CTSB: variants seen among roughly 807,000 people sequenced by gnomAD.
CTSB encodes the protein APP secretase.
Under a neutral mutation model 44.3 loss-of-function variants are expected in CTSB, and 57 were observed. The ratio of observed to expected loss-of-function variants is 1.29; its 90% confidence interval spans 1.04 to 1.60. The LOEUF is 1.60. Ranked by LOEUF, CTSB falls within the 40% of genes most tolerant of loss-of-function variation. The probability of loss-of-function intolerance (pLI) is 0.00; values close to 1 mark genes in which losing one functional copy is unlikely to be tolerated. For missense variants in CTSB, 768 were observed against 443.0 expected, an observed-to-expected ratio of 1.73 and a Z score of -6.59; for synonymous variants, 320 against 168.0, an observed-to-expected ratio of 1.91 and a Z score of -7.00.
chr8:11,845,816 C>A (rs192929398), intron 8 of CTSB, 27 bp from the exon 9 acceptor site: 14 of 1,593,646 alleles, frequency 8.8e-6, no homozygotes, highest in South Asian at 5.6e-5. Context: ...TGGCTGAGAC[C>A]GAGACCGGGC....
intron 1 of CTSB, chr8:11,865,480 T>C (rs1338344890): frequency 6.7e-6 from 1 of 148,904 alleles, no homozygotes; most frequent in African/African-American, 2.5e-5. Flanking sequence ...TCGCAGCTAG[T>C]TGAGAGACTG....
intron 1 of CTSB, among the ~76,000 whole-genome samples, chr8:11,864,727 G>C (rs578075764): frequency 5.3e-5 from 8 of 151,838 alleles, no homozygotes; most frequent in South Asian, 2.1e-4. Flanking sequence ...GAGGCGAGGC[G>C]GGCAGATCAT....
At position 11,848,117 on chromosome 8, in the gene CTSB, A is replaced by G. The variant is rs759011328; in HGVS notation, c.482T>C (p.Phe161Ser). The change falls in exon 6 of 10, where the codon TTC becomes TCC. Residue 161 changes from phenylalanine to serine, a missense_variant. Coordinates refer to ENST00000353047, the MANE Select transcript of CTSB (RefSeq NM_001908.5). Reference protein sequence around the residue: ...NGGYPAEAWNFWTRKGLVSGG... With the variant: ...NGGYPAEAWNSWTRKGLVSGG... ...AGAAACCAGGCCTTTTCTTGTCCAG[A>G]AGTTCCAAGCTTCAGCAGGATAGCC... is the stretch of plus-strand genomic sequence containing the variant. The G allele has an allele frequency of 1.9e-6, 3 of 1,614,086 alleles. No individual in the cohort carries two copies. Among genetic ancestry groups the G allele is most frequent in the Non-Finnish European group, 2.5e-6 (3 of 1,180,026 alleles).
intron 8 of CTSB, chr8:11,846,050 T>C: frequency 3.1e-6 from 1 of 318,854 alleles, no homozygotes; most frequent in Middle Eastern, 8.6e-4. Context: ...AAAAATAGAA[T>C]TTCTAATACA....
intron 6 of CTSB, 34 bp downstream of exon 6, chr8:11,848,033 T>C (rs1813774467): frequency 2.0e-6 from 3 of 1,525,640 alleles, no homozygotes; most frequent in Non-Finnish European, 2.7e-6. Flanking sequence ...AAACAATCCA[T>C]CTGGCCAGAA....
intron 1 of CTSB, among the ~76,000 whole-genome samples, chr8:11,864,689 ACT>A (rs1816872952): frequency 6.6e-6 from 1 of 152,086 alleles, no homozygotes; most frequent in Admixed American, 6.6e-5. Flanking sequence ...GGGCACAGTG[ACT>A]CACACCTGTA....
chr8:11,855,300 G>T (rs902505468), intron 1 of CTSB, among the ~76,000 whole-genome samples: 1 of 152,178 alleles, frequency 6.6e-6, no homozygotes, highest in South Asian at 2.1e-4. Flanking sequence ...GATGACAGGC[G>T]TGAGGCACCG....
chr8:11,853,293 G>C (rs533439351), intron 2 of CTSB, 36 bp downstream of exon 2: 1 of 1,610,346 alleles, frequency 6.2e-7, no homozygotes, highest in South Asian at 1.1e-5. Context: ...ACCGACCTGG[G>C]AGGGGACATA....
At chr8:11,867,437 A>AGT (rs936888267) in intron 1 of CTSB, 75 of 152,396 alleles carry the variant, frequency 4.9e-4, no homozygotes, top group African/African-American at 1.7e-3. Context: ...CAGCCCACCC[A>AGT]GTGCCAGATT....
At chr8:11,847,656 T>C (rs1415829305) in intron 7 of CTSB, 23 bp downstream of exon 7, 1 of 1,510,452 alleles carries the variant, frequency 6.6e-7, no homozygotes, top group Non-Finnish European at 8.8e-7. Flanking sequence ...ACGTGCGCCG[T>C]GGCCAGGCCC....
In CTSB at chr8:11,853,445, G is replaced by A; in HGVS notation, c.10C>T (p.Leu4Phe). ...AGCAGGCAGCAGAGGGAGGCCCAGAGCTGCCACATGTTGGAAGCCGGATCC... is the reference window on the plus strand; with the variant it reads ...AGCAGGCAGCAGAGGGAGGCCCAGAACTGCCACATGTTGGAAGCCGGATCC... MWQ[L>F]WASLCCLLVL... The change falls in exon 2 of 10, where the codon CTC becomes TTC. Residue 4 changes from leucine to phenylalanine, a missense_variant. Coordinates refer to ENST00000353047, the MANE Select transcript of CTSB (RefSeq NM_001908.5). 6.2e-7 allele frequency: 1 copy of A among 1,611,812 alleles called. No individual in the cohort carries two copies. Among genetic ancestry groups the A allele is most frequent in the Non-Finnish European group, 8.5e-7 (1 of 1,179,580 alleles).
intron 9 of CTSB, 111 bp from the exon 10 acceptor site, chr8:11,845,333 G>C: frequency 1.2e-6 from 1 of 809,934 alleles, no homozygotes; most frequent in Non-Finnish European, 2.0e-6. Flanking sequence ...CCTGCTGTTG[G>C]CCCACTAGCA....
At chr8:11,858,720 T>A (rs1021731215) in intron 1 of CTSB, among the ~76,000 whole-genome samples, 4 of 152,188 alleles carry the variant, frequency 2.6e-5, no homozygotes, top group Admixed American at 6.5e-5. Context: ...GCAGTGGCAA[T>A]CTCACTCCAT....
At chr8:11,855,605 A>C (rs1815368802) in intron 1 of CTSB, among the ~76,000 whole-genome samples, 1 of 152,242 alleles carries the variant, frequency 6.6e-6, no homozygotes, top group Non-Finnish European at 1.5e-5. Context: ...CTTTAAAACA[A>C]AAACTGACGA....
At chr8:11,847,595 C>G in intron 7 of CTSB, 84 bp downstream of exon 7, 1 of 1,453,254 alleles carries the variant, frequency 6.9e-7, no homozygotes, top group Non-Finnish European at 9.2e-7. Flanking sequence ...CTCCTCAGCC[C>G]TGACCTCTTC....
chr8:11,846,013 T>C (rs371472623), intron 8 of CTSB: 9 of 391,740 alleles, frequency 2.3e-5, no homozygotes, highest in African/African-American at 1.5e-4. Flanking sequence ...TTGAAATAGA[T>C]TCCTACAAAA....
At chr8:11,865,062 G>A (rs2150458606) in intron 1 of CTSB, among the ~76,000 whole-genome samples, 1 of 152,254 alleles carries the variant, frequency 6.6e-6, no homozygotes, top group East Asian at 1.9e-4. Flanking sequence ...AGGCAGCCTG[G>A]GACCAGACGT....
chr8:11,866,109 T>C (rs1817110894), intron 1 of CTSB, among the ~76,000 whole-genome samples: 1 of 151,882 alleles, frequency 6.6e-6, no homozygotes, highest in African/African-American at 2.4e-5. Context: ...TGACCTCCCT[T>C]CAATTCACTT....
chr8:11,848,208 ACCACTGTGTGCTACCCAAGTG>A (rs1049760311), intron 5 of CTSB, 56 bp from the exon 6 acceptor site: 3 of 1,500,070 alleles, frequency 2.0e-6, no homozygotes, highest in Non-Finnish European at 2.8e-6. Flanking sequence ...AGCTCTCCAG[ACCACTGTGTGCTACCCAAGTG>A]CCCGAGGCCA....
Sources: allele counts gnomAD v4.1 joint callset (sites outside exome capture counted in the v4.1 genomes callset), GRCh38; gene constraint gnomAD v4.1.1; transcripts MANE v1.5; gene names NCBI Gene and HGNC (gene_info 2026-07-23, HGNC 2026-07-21).